MCM9: variants seen among roughly 807,000 people sequenced by gnomAD.
MCM9 encodes minichromosome maintenance 9 homologous recombination repair factor.
Under a neutral mutation model 72.8 loss-of-function variants are expected in MCM9, and 55 were observed. The observed-to-expected ratio is 0.76, with a 90% CI of 0.61 to 0.95. The LOEUF (loss-of-function observed/expected upper bound fraction) is 0.95, where lower values mean the gene tolerates loss of function less well. MCM9 is among the 40% of genes least tolerant of loss of function. MCM9 has a pLI of 0.00. For synonymous variants in MCM9, 480 were observed against 503.4 expected (o/e 0.95, Z 0.62); for missense variants, 1,279 against 1,377.0 (o/e 0.93, Z 1.13).
chr6:118,852,101 C>T (rs1348584065), intron 9 of MCM9, among the ~76,000 whole-genome samples: 3 of 152,152 alleles, frequency 2.0e-5, no homozygotes, highest in Admixed American at 2.0e-4. Flanking sequence ...GGCTACAAGC[C>T]TACACAGCAC....
chr6:118,930,949 C>T (rs1423936546), intron 3 of MCM9, among the ~76,000 whole-genome samples: 2 of 152,208 alleles, frequency 1.3e-5, no homozygotes, highest in Non-Finnish European at 2.9e-5. Context: ...AATTAAGATG[C>T]TTTATCTGTC....
At chr6:118,821,157 C>A (rs1158898577) in intron 13 of MCM9, among the ~76,000 whole-genome samples, 1 of 152,096 alleles carries the variant, frequency 6.6e-6, no homozygotes, top group Non-Finnish European at 1.5e-5. Context: ...TGAAGTTGAT[C>A]CTGTTATCAT....
intron 1 of MCM9, among the ~76,000 whole-genome samples, chr6:118,933,653 A>G (rs1350421993): frequency 6.6e-6 from 1 of 152,208 alleles, no homozygotes; most frequent in East Asian, 1.9e-4. Flanking sequence ...AGACTGCTAT[A>G]AAGTTCACAG....
intron 8 of MCM9, chr6:118,905,519 C>A: frequency 1.6e-6 from 1 of 633,980 alleles, no homozygotes; most frequent in Non-Finnish European, 2.6e-6. Context: ...GAGCATTTTC[C>A]TTCCCAGTAT....
intron 5 of MCM9, chr6:118,920,575 T>C (rs1781347845): frequency 6.6e-6 from 1 of 152,276 alleles, no homozygotes; most frequent in Non-Finnish European, 1.5e-5. Flanking sequence ...CCCTCATGAA[T>C]GGCTTGGGCC....
intron 8 of MCM9, among the ~76,000 whole-genome samples, chr6:118,902,278 C>T (rs556844009): frequency 6.6e-6 from 1 of 152,230 alleles, no homozygotes; most frequent in South Asian, 2.1e-4. Context: ...CTTAGTCATT[C>T]CAGTCTTCTA....
chr6:118,843,689 T>C (rs1440707329), intron 9 of MCM9, among the ~76,000 whole-genome samples: 4 of 22,248 alleles, frequency 1.8e-4, no homozygotes, highest in African/African-American at 5.5e-4. Context: ...TATATATGTG[T>C]ATATATATAT....
chr6:118,894,173 G>A (rs1779174316), intron 8 of MCM9: 3 of 1,275,420 alleles, frequency 2.4e-6, no homozygotes, highest in East Asian at 6.6e-5. Context: ...GCAGCCAATC[G>A]AGGGCAACGC....
Position 118,815,625 on chromosome 6 carries a change from C to A in MCM9, c.2631G>T (p.Gln877His), listed in dbSNP as rs1483372763. Residue 877 changes from glutamine to histidine, a missense_variant, in exon 14 of 14, where the codon CAG becomes CAT. Transcript: ENST00000619706. ...PAQCTVPSHP[Q>H]STPVHSPDRM... ...TGTCTGGGCTATGTACAGGAGTGGA[C>A]TGAGGATGGGAAGGGACTGTGCACT... 6 of 1,550,436 alleles carry A rather than the reference C, an allele frequency of 3.9e-6. No individual in the cohort carries two copies. Among genetic ancestry groups the A allele is most frequent in the Non-Finnish European group, 4.4e-6 (5 of 1,146,956 alleles).
chr6:118,845,543 TTTTAC>T (rs1371237847), intron 9 of MCM9, among the ~76,000 whole-genome samples: 1 of 151,828 alleles, frequency 6.6e-6, no homozygotes, highest in Non-Finnish European at 1.5e-5. Flanking sequence ...GTTGGTTGTT[TTTTAC>T]TTTATTTTTT....
chr6:118,847,512 G>A (rs1775951312), intron 9 of MCM9, among the ~76,000 whole-genome samples: 2 of 150,104 alleles, frequency 1.3e-5, no homozygotes. Flanking sequence ...AGGGTGCTAA[G>A]GAGAGGAATA....
intron 8 of MCM9, among the ~76,000 whole-genome samples, chr6:118,856,952 A>G (rs752734857): frequency 1.2e-4 from 19 of 152,216 alleles, no homozygotes; most frequent in Admixed American, 2.6e-4. Flanking sequence ...GAAGGGCATA[A>G]AGACTTTTAT....
chr6:118,856,397 T>C lies in MCM9; in HGVS notation c.1299A>G (p.Gln433=), dbSNP rs1287191030. 2 of 1,535,340 alleles carry C rather than the reference T, an allele frequency of 1.3e-6. No homozygotes were observed. Among genetic ancestry groups the C allele is most frequent in the African/African-American group, 2.7e-5 (2 of 73,038 alleles). The part of the protein sequence containing the change: ...DRTSIHEAME[Q]QTISVAKAGL... ...CAGCCTTAGCAACACTTATGGTTTG[T>C]TGCTCCATTGCTTCATGGATACTGG... The change falls in exon 9 of 14, where the codon CAA becomes CAG. Residue 433 remains glutamine (Q), a synonymous_variant. Transcript: ENST00000619706.
Position 118,814,941 on chromosome 6 carries a change from C to A in MCM9, c.3315G>T (p.Gln1105His), listed in dbSNP as rs1357856930. 8.4e-6 allele frequency: 13 copies of A among 1,546,260 alleles called. No individual in the cohort carries two copies. The highest frequency in any genetic ancestry group is 4.0e-5 in the Admixed American group (2 of 50,542). ...PMRVSKRKSF[Q>H]LRGSTEKLIV... ...TCAGTTTCTCGGTGGACCCACGGAG[C>A]TGAAAAGATTTCCTTTTACTGACAC... Residue 1105 changes from glutamine to histidine, a missense_variant, in exon 14 of 14, where the codon CAG becomes CAT. By Grantham distance (24) the Gln-to-His change is conservative (BLOSUM62 0). Transcript: ENST00000619706.
rs758285844 is a variant in MCM9, at chr6:118,930,995, G to A, written c.304+425C>T. Among the ~76,000 whole-genome samples, 11 of 152,162 alleles carry A rather than the reference G, an allele frequency of 7.2e-5. 1 individual carries two copies. The highest frequency in any genetic ancestry group is 2.7e-4 in the African/African-American group (11 of 41,442). On this transcript the variant is annotated intron_variant, in intron 3 of 13. Transcript: ENST00000619706. ...CAAAAATGTATCGAGTAACTGGTAG[G>A]TAGACTGCACAATGCTAATACTGAT...
chr6:118,837,578 A>G (rs1357320892), intron 9 of MCM9, among the ~76,000 whole-genome samples: 1 of 152,178 alleles, frequency 6.6e-6, no homozygotes, highest in African/African-American at 2.4e-5. Flanking sequence ...TATATTCAGG[A>G]TAGTTAGGTC....
intron 9 of MCM9, among the ~76,000 whole-genome samples, chr6:118,851,992 G>A (rs1316100996): frequency 6.6e-6 from 1 of 152,112 alleles, no homozygotes; most frequent in African/African-American, 2.4e-5. Context: ...ATCATAAGGC[G>A]ATCTGTTCTG....
chr6:118,888,115 A>G (rs1778712351), intron 8 of MCM9, among the ~76,000 whole-genome samples: 1 of 152,190 alleles, frequency 6.6e-6, no homozygotes, highest in Non-Finnish European at 1.5e-5. Flanking sequence ...AATCAAAAAG[A>G]CAGAACAGCA....
intron 8 of MCM9, chr6:118,907,623 C>T: frequency 6.2e-7 from 1 of 1,604,250 alleles, no homozygotes; most frequent in Non-Finnish European, 8.5e-7. Flanking sequence ...GACCACCTAC[C>T]ATCCCTTTAG....
Sources: gnomAD v4.1 joint callset for allele counts (sites outside exome capture counted in the v4.1 genomes callset) on GRCh38, gnomAD v4.1.1 for gene constraint, MANE v1.5 for transcripts, NCBI Gene and HGNC (gene_info 2026-07-23, HGNC 2026-07-21) for gene names.